MLLT10: variants seen among roughly 807,000 people sequenced by gnomAD.
MLLT10 encodes protein AF-10.
MLLT10 carries 30 observed loss-of-function variants against 129.1 expected under a neutral mutation model. The ratio of observed to expected loss-of-function variants is 0.23; its 90% CI spans 0.17 to 0.32. MLLT10 has a LOEUF of 0.32. Among genes scored for constraint, MLLT10 ranks in the 10% least tolerant of loss-of-function variants. The pLI is 1.00. For synonymous variants in MLLT10, 490 were observed against 446.4 expected (o/e 1.10, Z -1.23); for missense variants, 1,119 against 1,268.3 (o/e 0.88, Z 1.79).
At chr10:21,714,586 G>A (rs1026221798) in intron 14 of MLLT10, among the ~76,000 whole-genome samples, 1 of 152,194 alleles carries the variant, frequency 6.6e-6, no homozygotes, top group Non-Finnish European at 1.5e-5. Flanking sequence ...AGGCTGGAGT[G>A]CAGTGGTGTG....
intron 9 of MLLT10, among the ~76,000 whole-genome samples, chr10:21,655,698 G>C (rs776614948): frequency 6.6e-6 from 1 of 152,112 alleles, no homozygotes; most frequent in Non-Finnish European, 1.5e-5. Context: ...GTTTTAGAGA[G>C]TTGTAGAATT....
At chr10:21,642,790 A>G (rs1324465608) in intron 8 of MLLT10, among the ~76,000 whole-genome samples, 1 of 152,108 alleles carries the variant, frequency 6.6e-6, no homozygotes, top group African/African-American at 2.4e-5. Context: ...ATCCATGTTC[A>G]CCTCTGGGCT....
rs1055754193 is a variant in MLLT10 at position 21,624,898 on chromosome 10, C to A, written c.699+7691C>A. The A allele has an allele frequency of 2.2e-5, 28 of 1,251,730 alleles. No individual in the cohort carries two copies. The African/African-American group carries it at 3.0e-4, about 13-fold the overall frequency. 77.5% of individuals were successfully genotyped at this position (1,251,730 alleles called of 1,614,324 possible). Reference sequence around the variant, plus strand: ...CCTCGTGGTGGTCCCAAAGGTGCCCCCTTTTGTGAATAGCCAGCTCTACCT... The same window carrying A: ...CCTCGTGGTGGTCCCAAAGGTGCCCACTTTTGTGAATAGCCAGCTCTACCT... On this transcript the variant is annotated intron_variant, in intron 8 of 22. Coordinates refer to ENST00000307729, the MANE Select transcript of MLLT10 (RefSeq NM_001195626.3).
chr10:21,578,823 A>G (rs1238657822), intron 3 of MLLT10, among the ~76,000 whole-genome samples: 6 of 152,154 alleles, frequency 3.9e-5, no homozygotes, highest in African/African-American at 1.2e-4. Context: ...CAGTTATGCT[A>G]TTGTCATGTG....
chr10:21,699,137 A>T (rs1163950211), intron 13 of MLLT10, among the ~76,000 whole-genome samples: 3 of 152,080 alleles, frequency 2.0e-5, no homozygotes, highest in African/African-American at 7.2e-5. Context: ...GGCCTCCCAA[A>T]GTGCTGGGAT....
intron 8 of MLLT10, among the ~76,000 whole-genome samples, chr10:21,642,226 G>A (rs756893513): frequency 3.9e-5 from 6 of 152,102 alleles, no homozygotes; most frequent in East Asian, 1.9e-4. Flanking sequence ...GGTGGCGGAC[G>A]CCTGTAATCC....
chr10:21,573,519 A>G (rs1433196841), intron 3 of MLLT10, among the ~76,000 whole-genome samples: 1 of 152,162 alleles, frequency 6.6e-6, no homozygotes, highest in African/African-American at 2.4e-5. Flanking sequence ...CTATGTTTTT[A>G]AAGATATTAA....
chr10:21,569,943 C>T (rs2040021332), intron 3 of MLLT10, among the ~76,000 whole-genome samples: 1 of 151,234 alleles, frequency 6.6e-6, no homozygotes, highest in Non-Finnish European at 1.5e-5. Context: ...GGGTGCCGCT[C>T]TTGTTGCCCA....
chr10:21,583,659 G>A (rs549366202), intron 3 of MLLT10, among the ~76,000 whole-genome samples: 1 of 152,252 alleles, frequency 6.6e-6, no homozygotes, highest in African/African-American at 2.4e-5. Context: ...AGAGAAGGGA[G>A]CAAGGTGGCA....
chr10:21,739,932 A>ATATC, intron 21 of MLLT10, 98 bp from the exon 22 acceptor site: 1 of 918,116 alleles, frequency 1.1e-6, no homozygotes. Context: ...TTCTTTGCAA[A>ATATC]TATCTAATAT....
chr10:21,588,250 A>G (rs953584751), intron 4 of MLLT10, among the ~76,000 whole-genome samples: 1 of 151,984 alleles, frequency 6.6e-6, no homozygotes, highest in African/African-American at 2.4e-5. Flanking sequence ...TATTTTTAGT[A>G]GAGATGGGGT....
At chr10:21,590,346 T>A (rs377585215) in intron 4 of MLLT10, among the ~76,000 whole-genome samples, 3 of 148,534 alleles carry the variant, frequency 2.0e-5, no homozygotes, top group East Asian at 3.9e-4. Context: ...CCAATAGTAT[T>A]TTTTTTTTTT....
intron 9 of MLLT10, 131 bp downstream of exon 9, chr10:21,651,899 ATTTC>A: frequency 2.7e-5 from 5 of 184,738 alleles, no homozygotes; most frequent in South Asian, 1.9e-4. Flanking sequence ...TAGAATTCTC[ATTTC>A]TTTTTTTTTT....
At chr10:21,642,393 A>C (rs2048095882) in intron 8 of MLLT10, among the ~76,000 whole-genome samples, 1 of 151,458 alleles carries the variant, frequency 6.6e-6, no homozygotes, top group Non-Finnish European at 1.5e-5. Flanking sequence ...GCGGTGGCTC[A>C]TGCCTCTAAT....
intron 3 of MLLT10, among the ~76,000 whole-genome samples, chr10:21,571,413 T>C (rs781387024): frequency 3.9e-5 from 6 of 152,190 alleles, no homozygotes; most frequent in Non-Finnish European, 8.8e-5. Flanking sequence ...TTTCCTCAAC[T>C]TGGGGAGACT....
chr10:21,601,717 GT>G (rs2043550000), intron 5 of MLLT10, among the ~76,000 whole-genome samples: 1 of 152,030 alleles, frequency 6.6e-6, no homozygotes, highest in South Asian at 2.1e-4. Flanking sequence ...GGTAGAATTG[GT>G]AGAGAGACAG....
intron 3 of MLLT10, among the ~76,000 whole-genome samples, chr10:21,549,928 C>T (rs891013766): frequency 2.6e-5 from 4 of 152,074 alleles, no homozygotes; most frequent in East Asian, 1.9e-4. Flanking sequence ...CGTGAGCCAT[C>T]GCGCCTAGCT....
At chr10:21,724,494 T>C (rs758078616) in intron 14 of MLLT10, among the ~76,000 whole-genome samples, 6 of 152,262 alleles carry the variant, frequency 3.9e-5, no homozygotes, top group Admixed American at 1.3e-4. Flanking sequence ...TTCTTTACGA[T>C]AGAAGTGCTT....
intron 8 of MLLT10, among the ~76,000 whole-genome samples, chr10:21,636,397 T>TA (rs1227527160): frequency 6.6e-6 from 1 of 152,160 alleles, no homozygotes; most frequent in African/African-American, 2.4e-5. Flanking sequence ...CTACCAGTGT[T>TA]ACGATTACAG....
Sources: gnomAD v4.1 joint callset for allele counts (sites outside exome capture counted in the v4.1 genomes callset) on GRCh38, gnomAD v4.1.1 for gene constraint, MANE v1.5 for transcripts, NCBI Gene and HGNC (gene_info 2026-07-23, HGNC 2026-07-21) for gene names.